SMOX: variants seen among roughly 807,000 people sequenced by gnomAD.
SMOX encodes spermine oxidase.
Under a neutral mutation model 51.0 loss-of-function variants are expected in SMOX, and 22 were observed. That is an observed-to-expected ratio of 0.43 (90% CI 0.31 to 0.62). SMOX has a LOEUF of 0.62. SMOX is among the 20% of genes least tolerant of loss of function. SMOX has a pLI of 0.10. For missense variants in SMOX, 566 were observed against 777.7 expected (o/e 0.73, Z 3.24); for synonymous variants, 282 against 307.8 (o/e 0.92, Z 0.88).
At chr20:4,155,848 G>A (rs1052560018) in intron 1 of SMOX, among the ~76,000 whole-genome samples, 6 of 151,962 alleles carry the variant, frequency 3.9e-5, no homozygotes, top group Non-Finnish European at 8.8e-5. Flanking sequence ...GACACAAAGG[G>A]CAAAGGTTCC....
At position 4,187,277 on chromosome 20, in the gene SMOX, A is replaced by G; in HGVS notation, c.1538A>G (p.Gln513Arg). The change falls in exon 7 of 7, where the codon CAG (glutamine) becomes CGG (arginine). Residue 513 changes from glutamine to arginine, a missense_variant. By Grantham distance (43) the Gln-to-Arg change is conservative. Transcript: ENST00000305958. The surrounding 1 kb of genome is among the most constrained non-coding windows in gnomAD (Gnocchi z 4.8). ...YTESSKTAPM[Q>R]VLFSGEATHR... ...CCCATCCCCGCCCCGCAGCCCATGC[A>G]GGTGCTGTTTTCCGGTGAGGCCACC... is the stretch of plus-strand genomic sequence containing the variant. 1 of 1,613,798 alleles carries G rather than the reference A, an allele frequency of 6.2e-7. No individual in the cohort carries two copies. The highest frequency in any genetic ancestry group is 8.5e-7 in the Non-Finnish European group (1 of 1,179,846).
rs763472797 is a variant in SMOX, at chr20:4,182,055, C to T, written c.610-34C>T. 2.3e-5 allele frequency: 37 copies of T among 1,584,848 alleles called. No homozygotes were observed. The highest frequency in any genetic ancestry group is 1.7e-4 in the Middle Eastern group (1 of 5,892). ...TGCTCCTACCCCTGCCCAACCCCGGCGGTCACCTGGCTTCTCCTTGGGTCT... is the reference window on the plus strand; with the variant it reads ...TGCTCCTACCCCTGCCCAACCCCGGTGGTCACCTGGCTTCTCCTTGGGTCT... On this transcript the variant is annotated intron_variant, in intron 4 of 6. Transcript: ENST00000305958. The surrounding 1 kb of genome is among the most constrained non-coding windows in gnomAD (Gnocchi z 8.4).
chr20:4,158,453 C>A lies in SMOX; in HGVS notation c.-27+9476C>A, dbSNP rs1197335954. Among the ~76,000 whole-genome samples the A allele has an allele frequency of 2.0e-5, 3 of 152,126 alleles. No individual in the cohort carries two copies. In the East Asian group the frequency reaches 5.8e-4, roughly 29 times the overall value. ...TCTGGATTCAGGTGGAGCATGGTGG[C>A]CTAGCTGGGGGCATTGCAGCACCCC... is the stretch of plus-strand genomic sequence containing the variant. On this transcript the variant is annotated intron_variant, in intron 1 of 6. Transcript: ENST00000305958.
intron 1 of SMOX, among the ~76,000 whole-genome samples, chr20:4,151,040 CA>C (rs1173300483): frequency 6.6e-6 from 1 of 152,116 alleles, no homozygotes; most frequent in Non-Finnish European, 1.5e-5. Context: ...CCATGTTGCC[CA>C]GGCTGGTCTC....
chr20:4,167,948 G>C lies in SMOX; in HGVS notation c.-26-7082G>C, dbSNP rs1986639216. On this transcript the variant is annotated intron_variant, in intron 1 of 6. Coordinates refer to ENST00000305958, the MANE Select transcript of SMOX (RefSeq NM_175839.3). This position sits in a 1 kb window ranked among gnomAD's most constrained non-coding sequence, Gnocchi z 4.8. ...GCCGTTGTGCAAAGCAGCTGGTCTG[G>C]GATTTCTGGGCGTTTTTACATTTGA... 6.6e-6 allele frequency among the ~76,000 whole-genome samples: 1 copy of C among 152,074 alleles called. No individual in the cohort carries two copies. Among genetic ancestry groups the C allele is most frequent in the Non-Finnish European group, 1.5e-5 (1 of 68,014 alleles).
intron 1 of SMOX, among the ~76,000 whole-genome samples, chr20:4,161,832 C>T (rs1009926244): frequency 9.9e-5 from 15 of 152,178 alleles, no homozygotes; most frequent in Non-Finnish European, 1.9e-4. Flanking sequence ...TTTGAATGAA[C>T]GAAAAATCTG....
chr20:4,161,160 C>A (rs969771307), intron 1 of SMOX, among the ~76,000 whole-genome samples: 1 of 152,188 alleles, frequency 6.6e-6, no homozygotes, highest in African/African-American at 2.4e-5. Context: ...GAAGCCACCC[C>A]CTCAGCTGCC....
intron 1 of SMOX, among the ~76,000 whole-genome samples, chr20:4,173,128 C>T (rs923391008): frequency 6.6e-6 from 1 of 152,184 alleles, no homozygotes; most frequent in Non-Finnish European, 1.5e-5. Context: ...CATATCTCAA[C>T]TGTGCAGCTC....
At position 4,183,153 on chromosome 20, in the gene SMOX, C is replaced by G; in HGVS notation, c.1369+305C>G. ...CTAAGAGCTGGATTTGCCTTTTACT[C>G]TCTGAGTCTTTCAGCTCAACATTTT... On this transcript the variant is annotated intron_variant, in intron 5 of 6. Coordinates refer to ENST00000305958, the MANE Select transcript of SMOX (RefSeq NM_175839.3). This position sits in a 1 kb window ranked among gnomAD's most constrained non-coding sequence, Gnocchi z 4.3. 1.7e-6 allele frequency: 1 copy of G among 571,478 alleles called. No homozygotes were observed. The highest frequency in any genetic ancestry group is 2.1e-5 in the South Asian group (1 of 46,942). The allele number at this position is 571,478 out of a possible 1,614,324, so 35.4% of individuals were successfully genotyped here. A position where few individuals can be genotyped will look rare whatever the true frequency, so the allele number is the denominator to read the frequency against.
rs903875922 is a variant in SMOX at position 4,149,145 on chromosome 20, G to T, written c.-27+168G>T. ...GCGGCGCTCGGGCGCTCGGGCGGGG[G>T]TGCGGGGCGTTCCGGGAGGCTCGCG... On this transcript the variant is annotated intron_variant, in intron 1 of 6. Transcript: ENST00000305958. This position sits in a 1 kb window ranked among gnomAD's most constrained non-coding sequence, Gnocchi z 6.0. Among the ~76,000 whole-genome samples the T allele has an allele frequency of 8.7e-5, 13 of 149,244 alleles. No individual in the cohort carries two copies. Among genetic ancestry groups the T allele is most frequent in the African/African-American group, 2.7e-4 (11 of 41,192 alleles).
At position 4,153,494 on chromosome 20, in the gene SMOX, A is replaced by C. The variant is rs565841735; in HGVS notation, c.-27+4517A>C. On this transcript the variant is annotated intron_variant, in intron 1 of 6. Coordinates refer to ENST00000305958, the MANE Select transcript of SMOX (RefSeq NM_175839.3). This position sits in a 1 kb window ranked among gnomAD's most constrained non-coding sequence, Gnocchi z 4.4. ...GCCCTGGGAGGCTTTCCTGTTTGGC[A>C]CGAGGATGACTCTAGGCAGGTGACC... Among the ~76,000 whole-genome samples, 48 of 152,166 alleles carry C rather than the reference A, an allele frequency of 3.2e-4. No individual in the cohort carries two copies. The East Asian group carries it at 8.1e-3, about 26-fold the overall frequency.
intron 1 of SMOX, among the ~76,000 whole-genome samples, chr20:4,168,777 G>A (rs190044081): frequency 0.077 from 11,637 of 151,294 alleles, 580 homozygotes; most frequent in African/African-American, 0.13. Context: ...GGCTGGTCTT[G>A]AGCTCCTGGC....
intron 1 of SMOX, among the ~76,000 whole-genome samples, chr20:4,164,273 G>A (rs1401161858): frequency 2.1e-4 from 32 of 152,128 alleles, no homozygotes; most frequent in Admixed American, 2.0e-3. Flanking sequence ...CCTGTCACCC[G>A]GCCCGATCTT....
chr20:4,180,937 G>T (rs1179191700), intron 3 of SMOX, among the ~76,000 whole-genome samples: 1 of 152,126 alleles, frequency 6.6e-6, no homozygotes, highest in African/African-American at 2.4e-5. Flanking sequence ...GCTGTGTCCT[G>T]CACAGAGCCC....
intron 1 of SMOX, among the ~76,000 whole-genome samples, chr20:4,173,204 A>G (rs1250781257): frequency 6.6e-6 from 1 of 152,180 alleles, no homozygotes; most frequent in Non-Finnish European, 1.5e-5. Context: ...CGTCTACCCC[A>G]GAAAGGCCCC....
In SMOX at chr20:4,187,409, G is replaced by A. The variant is rs754830569; in HGVS notation, c.*2G>A. 4 of 1,613,350 alleles carry A rather than the reference G, an allele frequency of 2.5e-6. No homozygotes were observed. In the Admixed American group the frequency reaches 6.7e-5, roughly 27 times the overall value. On this transcript the variant is annotated 3_prime_UTR_variant, in exon 7 of 7. Transcript: ENST00000305958. This position sits in a 1 kb window ranked among gnomAD's most constrained non-coding sequence, Gnocchi z 4.8. ...GACCTCTTCCAGCAGGGGACCTGAG[G>A]GCTGTCCTCGCTGCTGAGAAGAGCC...
In SMOX at chr20:4,167,354, G is replaced by A. The variant is rs78541135; in HGVS notation, c.-26-7676G>A. On this transcript the variant is annotated intron_variant, in intron 1 of 6. Transcript: ENST00000305958. The surrounding 1 kb of genome is among the most constrained non-coding windows in gnomAD (Gnocchi z 4.8). The stretch of plus-strand genomic sequence containing the variant: ...CCTAGGAAAGGTGACTTCTGTACTG[G>A]TCTCTTTGGGGATCTTCCTCCCTCT... 1.3e-5 allele frequency among the ~76,000 whole-genome samples: 2 copies of A among 152,266 alleles called. No individual in the cohort carries two copies. Among genetic ancestry groups the A allele is most frequent in the Non-Finnish European group, 1.5e-5 (1 of 68,024 alleles).
intron 3 of SMOX, among the ~76,000 whole-genome samples, chr20:4,180,555 C>T (rs376581478): frequency 6.6e-6 from 1 of 152,196 alleles, no homozygotes; most frequent in African/African-American, 2.4e-5. Flanking sequence ...TTCTTGCTCA[C>T]GGCCCTCCAG....
rs1483448145 is a variant in SMOX, at chr20:4,166,661, G to C, written c.-26-8369G>C. ...AAAGGGTCCTGAAACAATGAACCTCGGTGGTATGCAGGACACCAAGGGAAA... is the reference window on the plus strand; with the variant it reads ...AAAGGGTCCTGAAACAATGAACCTCCGTGGTATGCAGGACACCAAGGGAAA... On this transcript the variant is annotated intron_variant, in intron 1 of 6. Coordinates refer to ENST00000305958, the MANE Select transcript of SMOX (RefSeq NM_175839.3). This position sits in a 1 kb window ranked among gnomAD's most constrained non-coding sequence, Gnocchi z 4.2. 2.6e-5 allele frequency among the ~76,000 whole-genome samples: 4 copies of C among 152,196 alleles called. No individual in the cohort carries two copies. Among genetic ancestry groups the C allele is most frequent in the African/African-American group, 4.8e-5 (2 of 41,446 alleles).
Sources: allele counts gnomAD v4.1 joint callset (sites outside exome capture counted in the v4.1 genomes callset), GRCh38; gene constraint gnomAD v4.1.1; non-coding constraint Gnocchi (gnomAD v3.1); transcripts MANE v1.5; gene names NCBI Gene and HGNC (gene_info 2026-07-23, HGNC 2026-07-21).